The following FHIT variants were observed in gnomAD, a reference collection of about 807,000 sequenced individuals.
FHIT encodes bis(5'-adenosyl)-triphosphatase.
A neutral mutation model predicts 17.9 loss-of-function variants in FHIT; 19 were observed. That is an observed-to-expected ratio of 1.06 (90% CI 0.74 to 1.56). The LOEUF is 1.56. Among genes scored for constraint, FHIT ranks in the 40% most tolerant of loss-of-function variants. The pLI is 0.00. For synonymous variants in FHIT, 81 were observed against 69.7 expected (o/e 1.16, Z -0.81); for missense variants, 248 against 189.2 (o/e 1.31, Z -1.82).
At chr3:60,821,562 C>T (rs879955812) in intron 4 of FHIT, among the ~76,000 whole-genome samples, 9 of 152,104 alleles carry the variant, frequency 5.9e-5, no homozygotes, top group East Asian at 1.9e-4. Flanking sequence ...ACTTTTTACA[C>T]GTAAAAATTA....
At chr3:60,358,745 G>C (rs1390803348) in intron 5 of FHIT, among the ~76,000 whole-genome samples, 1 of 152,166 alleles carries the variant, frequency 6.6e-6, no homozygotes, top group Non-Finnish European at 1.5e-5. Context: ...TCAATCAAAA[G>C]TCTTGGTTTT....
intron 3 of FHIT, among the ~76,000 whole-genome samples, chr3:60,960,173 C>T (rs1709350842): frequency 6.6e-6 from 1 of 152,144 alleles, no homozygotes; most frequent in Non-Finnish European, 1.5e-5. Context: ...CTCTTCCCTT[C>T]TTCCCACCCT....
rs898955312 is a variant in FHIT at position 60,709,861 on chromosome 3, A to T, written c.-18+112058T>A. Among the ~76,000 whole-genome samples the T allele has an allele frequency of 4.6e-5, 7 of 152,202 alleles. No homozygotes were observed. In the South Asian group the frequency reaches 1.2e-3, roughly 27 times the overall value. ...TTAAAGCAACAGACTCACTTTGTGC[A>T]TTTTAAAGAAAATATGTTAAATACT... On this transcript the variant is annotated intron_variant, in intron 4 of 9. Coordinates refer to ENST00000492590, the MANE Select transcript of FHIT (RefSeq NM_002012.4).
intron 5 of FHIT, among the ~76,000 whole-genome samples, chr3:60,066,209 A>T (rs1021348852): frequency 1.2e-4 from 18 of 151,596 alleles, no homozygotes; most frequent in Admixed American, 2.0e-4. Flanking sequence ...TCTTTTATTT[A>T]AAAAAAAATT....
intron 5 of FHIT, among the ~76,000 whole-genome samples, chr3:60,254,049 A>T (rs932080027): frequency 6.6e-6 from 1 of 152,190 alleles, no homozygotes; most frequent in Admixed American, 6.5e-5. Flanking sequence ...AGGTTTTATC[A>T]TATCTGCTTT....
At chr3:60,653,957 T>G (rs1405273549) in intron 4 of FHIT, among the ~76,000 whole-genome samples, 2 of 152,184 alleles carry the variant, frequency 1.3e-5, no homozygotes, top group Non-Finnish European at 2.9e-5. Flanking sequence ...GTTTGGATCA[T>G]GGGGACAGAT....
At chr3:60,076,450 G>C (rs955802379) in intron 5 of FHIT, among the ~76,000 whole-genome samples, 1 of 151,650 alleles carries the variant, frequency 6.6e-6, no homozygotes, top group African/African-American at 2.4e-5. Flanking sequence ...CCTCGTGCAA[G>C]AAAGTGAAAG....
chr3:59,911,004 C>A (rs560346709), intron 8 of FHIT, among the ~76,000 whole-genome samples: 1 of 152,248 alleles, frequency 6.6e-6, no homozygotes, highest in East Asian at 1.9e-4. Flanking sequence ...AATCTAACAA[C>A]AGGTATACTA....
At chr3:61,075,372 C>T (rs1270924237) in intron 2 of FHIT, among the ~76,000 whole-genome samples, 1 of 151,248 alleles carries the variant, frequency 6.6e-6, no homozygotes, top group Non-Finnish European at 1.5e-5. Context: ...CACACCTACC[C>T]AGAAAATACT....
At chr3:61,027,086 A>C (rs192379993) in intron 3 of FHIT, among the ~76,000 whole-genome samples, 12 of 152,188 alleles carry the variant, frequency 7.9e-5, no homozygotes, top group African/African-American at 2.9e-4. Flanking sequence ...TCATGTCCTT[A>C]TACTTTTTTC....
chr3:60,183,783 T>C (rs1702044531), intron 5 of FHIT, among the ~76,000 whole-genome samples: 1 of 152,162 alleles, frequency 6.6e-6, no homozygotes, highest in Non-Finnish European at 1.5e-5. Context: ...TATTTCCTAC[T>C]GTGGCCCAGA....
intron 4 of FHIT, among the ~76,000 whole-genome samples, chr3:60,744,742 TG>T (rs1353027885): frequency 6.6e-6 from 1 of 152,202 alleles, no homozygotes; most frequent in Non-Finnish European, 1.5e-5. Flanking sequence ...TTTTCTCTGT[TG>T]GCTGTTCTGA....
chr3:60,042,392 G>C (rs1559575877), intron 5 of FHIT, among the ~76,000 whole-genome samples: 1 of 152,138 alleles, frequency 6.6e-6, no homozygotes. Flanking sequence ...AAACTGGCTG[G>C]CTTAGAAAAG....
chr3:60,981,429 C>A (rs560646790), intron 3 of FHIT, among the ~76,000 whole-genome samples: 8 of 151,680 alleles, frequency 5.3e-5, no homozygotes. Context: ...CTCAGCCTCC[C>A]GAGTAGCTGG....
chr3:60,071,797 AGG>A (rs1702784037), intron 5 of FHIT, among the ~76,000 whole-genome samples: 1 of 152,168 alleles, frequency 6.6e-6, no homozygotes, highest in Non-Finnish European at 1.5e-5. Context: ...ACCCGGTGAG[AGG>A]TAATTGACCC....
chr3:61,076,389 C>T (rs1559963006), intron 2 of FHIT, among the ~76,000 whole-genome samples: 2 of 152,076 alleles, frequency 1.3e-5, no homozygotes, highest in African/African-American at 2.4e-5. Flanking sequence ...GGTAAAAGAA[C>T]GAAAGCTTTC....
At chr3:60,014,493 G>A (rs1575888033) in intron 5 of FHIT, among the ~76,000 whole-genome samples, 2 of 152,196 alleles carry the variant, frequency 1.3e-5, no homozygotes, top group Admixed American at 6.5e-5. Context: ...CTATTCTAAA[G>A]CTGTGTCCGC....
intron 5 of FHIT, among the ~76,000 whole-genome samples, chr3:60,205,417 G>C (rs1004419555): frequency 1.3e-5 from 2 of 152,110 alleles, no homozygotes; most frequent in African/African-American, 4.8e-5. Context: ...CCCAAATTCT[G>C]CATCTTGGCA....
intron 4 of FHIT, among the ~76,000 whole-genome samples, chr3:60,720,437 T>A (rs1553707766): frequency 6.6e-6 from 1 of 152,196 alleles, no homozygotes; most frequent in African/African-American, 2.4e-5. Context: ...ATCAAATGGA[T>A]TGAAACCTGT....
Sources: allele counts gnomAD v4.1 joint callset (sites outside exome capture counted in the v4.1 genomes callset), GRCh38; gene constraint gnomAD v4.1.1; transcripts MANE v1.5; gene names NCBI Gene and HGNC (gene_info 2026-07-23, HGNC 2026-07-21).